Variants in MTARC2 observed in about 807,000 individuals in gnomAD.
MTARC2 encodes MOCO sulphurase C-terminal domain containing 2.
Under a neutral mutation model 35.6 loss-of-function variants are expected in MTARC2, and 27 were observed. The observed-to-expected ratio is 0.76, with a 90% CI of 0.56 to 1.04. MTARC2 has a LOEUF of 1.04. Among genes scored for constraint, MTARC2 ranks in the 50% least tolerant of loss-of-function variants. The pLI, the probability that MTARC2 is intolerant of heterozygous loss-of-function variation, is 0.00. For missense variants in MTARC2, 412 were observed against 432.5 expected (o/e 0.95, Z 0.42); for synonymous variants, 158 against 167.1 (o/e 0.95, Z 0.42).
intron 2 of MTARC2, among the ~76,000 whole-genome samples, chr1:220,755,693 G>A (rs1671259518): frequency 6.6e-6 from 1 of 152,128 alleles, no homozygotes; most frequent in African/African-American, 2.4e-5. Flanking sequence ...GACTCTGGAT[G>A]GGTTGGTGTT....
At chr1:220,754,868 A>G (rs1671232335) in intron 1 of MTARC2, 79 bp from the exon 2 acceptor site, 1 of 1,334,720 alleles carries the variant, frequency 7.5e-7, no homozygotes, top group Non-Finnish European at 1.0e-6. Flanking sequence ...GAGAGTTCTG[A>G]GGAAGTAGAA....
chr1:220,780,288 G>A (rs754454850), intron 6 of MTARC2, 49 bp downstream of exon 6: 2 of 1,523,874 alleles, frequency 1.3e-6, no homozygotes, highest in South Asian at 2.3e-5. Flanking sequence ...CTCCACCCCA[G>A]AACTACCTAT....
intron 7 of MTARC2, 47 bp from the exon 8 acceptor site, chr1:220,783,872 A>AGTAG: frequency 1.4e-6 from 1 of 717,148 alleles, no homozygotes; most frequent in Middle Eastern, 2.3e-4. Context: ...ATTTATGAAC[A>AGTAG]GTAGGATAAA....
intron 1 of MTARC2, among the ~76,000 whole-genome samples, chr1:220,749,224 A>G (rs1351724165): frequency 6.6e-6 from 1 of 152,140 alleles, no homozygotes; most frequent in Non-Finnish European, 1.5e-5. Flanking sequence ...CATTTCTCCA[A>G]TCCTGGGGGT....
At chr1:220,762,845 C>T in intron 3 of MTARC2, 65 bp from the exon 4 acceptor site, 3 of 1,579,682 alleles carry the variant, frequency 1.9e-6, no homozygotes, top group South Asian at 1.1e-5. Context: ...CATTACTTAG[C>T]TTTGTAGTTG....
At chr1:220,776,781 A>C (rs573375136) in intron 4 of MTARC2, among the ~76,000 whole-genome samples, 1 of 152,322 alleles carries the variant, frequency 6.6e-6, no homozygotes, top group Admixed American at 6.5e-5. Flanking sequence ...TGGAAATCTT[A>C]AATTCTTTAG....
chr1:220,754,842 C>T, intron 1 of MTARC2, 105 bp from the exon 2 acceptor site: 1 of 1,090,444 alleles, frequency 9.2e-7, no homozygotes, highest in South Asian at 1.6e-5. Flanking sequence ...TGTTAGGTCC[C>T]AAGACGGGGT....
At chr1:220,765,963 A>C (rs1671566645) in intron 4 of MTARC2, among the ~76,000 whole-genome samples, 1 of 152,176 alleles carries the variant, frequency 6.6e-6, no homozygotes, top group African/African-American at 2.4e-5. Context: ...GCATCTCTGC[A>C]CTGGCAGCAG....
chr1:220,760,128 TTTC>T (rs1439484612), intron 2 of MTARC2, among the ~76,000 whole-genome samples: 5 of 152,318 alleles, frequency 3.3e-5, no homozygotes, highest in African/African-American at 1.2e-4. Context: ...ACCATAAACA[TTTC>T]TTCTTTGTAC....
Position 220,769,934 on chromosome 1 carries a change from C to CAAAAAAAAAAAAAAAAAAAA in MTARC2, c.750+6888_750+6907dup, listed in dbSNP as rs57739324. Among the ~76,000 whole-genome samples the CAAAAAAAAAAAAAAAAAAAA allele has an allele frequency of 4.7e-4, 30 of 63,408 alleles. 1 individual carries two copies. Among genetic ancestry groups the CAAAAAAAAAAAAAAAAAAAA allele is most frequent in the East Asian group, 2.1e-3 (3 of 1,450 alleles). The allele number at this position is 63,408 out of a possible 152,430, so 41.6% of individuals were successfully genotyped here. Reference sequence around the variant, plus strand: ...TGAAACTCCATCTCTACTAAAAATACAAAAAAAAAAAAAAAAAAAAAAATT... The same window carrying CAAAAAAAAAAAAAAAAAAAA: ...TGAAACTCCATCTCTACTAAAAATACAAAAAAAAAAAAAAAAAAAAAAAAAAAAAAAAAAAAAAAAAAATT... On this transcript the variant is annotated intron_variant, in intron 4 of 7. Coordinates refer to ENST00000366913, the MANE Select transcript of MTARC2 (RefSeq NM_017898.5).
intron 1 of MTARC2, among the ~76,000 whole-genome samples, chr1:220,751,571 C>G (rs900692680): frequency 1.3e-5 from 2 of 152,192 alleles, no homozygotes; most frequent in African/African-American, 4.8e-5. Context: ...CTCCCACACT[C>G]AGTAGTAGAG....
chr1:220,751,408 A>G (rs182568828), intron 1 of MTARC2, among the ~76,000 whole-genome samples: 303 of 152,304 alleles, frequency 2.0e-3, no homozygotes, highest in African/African-American at 7.0e-3. Flanking sequence ...CTTAGCAGCC[A>G]TATGTGAGTT....
chr1:220,769,847 C>CTTT (rs753815777), intron 4 of MTARC2, among the ~76,000 whole-genome samples: 24 of 125,636 alleles, frequency 1.9e-4, no homozygotes, highest in Non-Finnish European at 2.8e-4. Context: ...TTGGCTTTTT[C>CTTT]TTTTTTTTTT....
chr1:220,770,591 C>G, intron 4 of MTARC2: 1 of 982,694 alleles, frequency 1.0e-6, no homozygotes, highest in Non-Finnish European at 1.2e-6. Context: ...CCATGACCCC[C>G]CATACCTTTC....
intron 4 of MTARC2, among the ~76,000 whole-genome samples, chr1:220,764,579 G>A (rs1034270971): frequency 1.3e-5 from 2 of 152,028 alleles, no homozygotes; most frequent in Admixed American, 1.3e-4. Context: ...TTGAGCTTAG[G>A]AGTTTGAGAC....
intron 2 of MTARC2, 107 bp downstream of exon 2, chr1:220,755,227 G>A: frequency 8.2e-7 from 1 of 1,216,878 alleles, no homozygotes; most frequent in African/African-American, 1.5e-5. Flanking sequence ...GATGACATTG[G>A]TAAAGGAAAC....
chr1:220,770,697 A>T (rs940990910), intron 4 of MTARC2: 1 of 429,510 alleles, frequency 2.3e-6, no homozygotes, highest in Admixed American at 6.4e-5. Flanking sequence ...TGGGAATTCA[A>T]TTGGTAGCTG....
At chr1:220,752,725 T>C (rs1487550808) in intron 1 of MTARC2, among the ~76,000 whole-genome samples, 3 of 152,190 alleles carry the variant, frequency 2.0e-5, no homozygotes, top group Non-Finnish European at 4.4e-5. Context: ...TGTGTGCCTG[T>C]AGTCCCAGCT....
intron 2 of MTARC2, among the ~76,000 whole-genome samples, chr1:220,757,332 G>C: frequency 6.6e-6 from 1 of 152,240 alleles, no homozygotes; most frequent in East Asian, 1.9e-4. Flanking sequence ...TGATGCAGAG[G>C]TGTAGTCAGC....
Sources: allele counts gnomAD v4.1 joint callset (sites outside exome capture counted in the v4.1 genomes callset), GRCh38; gene constraint gnomAD v4.1.1; transcripts MANE v1.5; gene names NCBI Gene and HGNC (gene_info 2026-07-23, HGNC 2026-07-21).